Variants in WNT5B observed in about 807,000 individuals in gnomAD.
WNT5B encodes protein Wnt-5b.
Under a neutral mutation model 36.5 loss-of-function variants are expected in WNT5B, and 18 were observed. That is an observed-to-expected ratio of 0.49 (90% confidence interval 0.34 to 0.73). The LOEUF (loss-of-function observed/expected upper bound fraction) is 0.73, where lower values mean the gene tolerates loss of function less well. WNT5B is among the 30% of genes least tolerant of loss of function. The pLI is 0.01. For synonymous variants in WNT5B, 213 were observed against 212.3 expected, an observed-to-expected ratio of 1.00 and a Z score of -0.03; for missense variants, 424 against 508.4, an observed-to-expected ratio of 0.83 and a Z score of 1.60.
At chr12:1,623,197 T>TTTTG (rs1565603199) in intron 1 of WNT5B, among the ~76,000 whole-genome samples, 2 of 113,448 alleles carry the variant, frequency 1.8e-5, no homozygotes, top group Non-Finnish European at 3.6e-5. Context: ...GTTTTTTTTT[T>TTTTG]TTTTTTTTTT....
At chr12:1,626,879 T>C (rs1030292383), upstream of WNT5B, among the ~76,000 whole-genome samples, 1 of 152,224 alleles carries the variant, frequency 6.6e-6, no homozygotes, top group Non-Finnish European at 1.5e-5. Context: ...AATGTATTTT[T>C]AAATTACACA....
chr12:1,635,093 G>A (rs2154439638), intron 3 of WNT5B, among the ~76,000 whole-genome samples: 1 of 152,292 alleles, frequency 6.6e-6, no homozygotes, highest in South Asian at 2.1e-4. Context: ...GTACTTAGTA[G>A]GCTTACCCAA....
intron 4 of WNT5B, among the ~76,000 whole-genome samples, chr12:1,642,732 G>A (rs896209088): frequency 6.6e-6 from 1 of 152,108 alleles, no homozygotes; most frequent in Non-Finnish European, 1.5e-5. Flanking sequence ...TGTCTTGTCC[G>A]GGCTGTTATC....
chr12:1,639,291 C>A (rs1165715872), intron 3 of WNT5B, among the ~76,000 whole-genome samples: 1 of 151,530 alleles, frequency 6.6e-6, no homozygotes, highest in Non-Finnish European at 1.5e-5. Context: ...GCGCCCGCCA[C>A]CACGCCCGGC....
chr12:1,641,783 G>A (rs913988737), intron 4 of WNT5B, among the ~76,000 whole-genome samples: 4 of 152,056 alleles, frequency 2.6e-5, no homozygotes, highest in Admixed American at 6.5e-5. Context: ...GCAACAGAGC[G>A]AGACTCTGTC....
At chr12:1,623,287 C>T (rs529701408) in intron 1 of WNT5B, among the ~76,000 whole-genome samples, 4 of 141,300 alleles carry the variant, frequency 2.8e-5, no homozygotes, top group African/African-American at 1.1e-4. Context: ...GCTCCGTCTC[C>T]CAGGTTCACA....
chr12:1,626,669 A>G (rs868826950), upstream of WNT5B, among the ~76,000 whole-genome samples: 1 of 151,198 alleles, frequency 6.6e-6, no homozygotes, highest in Non-Finnish European at 1.5e-5. Context: ...GGTTCACGCC[A>G]TTCTCCTGCC....
chr12:1,622,203 C>T (rs1376731816), intron 1 of WNT5B, among the ~76,000 whole-genome samples: 1 of 151,188 alleles, frequency 6.6e-6, no homozygotes, highest in Non-Finnish European at 1.5e-5. Context: ...CTCCGCTTCC[C>T]GGGTTCACGC....
chr12:1,639,811 G>GC lies in WNT5B; in HGVS notation c.460dup (p.Arg154ProfsTer58). 1 of 1,613,584 alleles carries GC rather than the reference G, an allele frequency of 6.2e-7. No homozygotes were observed. Among genetic ancestry groups the GC allele is most frequent in the East Asian group, 2.2e-5 (1 of 44,860 alleles). On this transcript the variant is annotated frameshift_variant, in exon 4 of 5. Transcript: ENST00000397196. LOFTEE classifies it high-confidence loss of function. ...GCCGGACGGCGCGGCCCAAGGACCTGCCCCGGGACTGGCTGTGGGGCGGCT... is the reference window on the plus strand; with the variant it reads ...GCCGGACGGCGCGGCCCAAGGACCTGCCCCCGGGACTGGCTGTGGGGCGGCT...
upstream of WNT5B, among the ~76,000 whole-genome samples, chr12:1,627,396 G>T (rs2094542726): frequency 6.6e-6 from 1 of 152,162 alleles, no homozygotes; most frequent in Non-Finnish European, 1.5e-5. This position sits in a 1 kb window ranked among gnomAD's most constrained non-coding sequence, Gnocchi z 5.0. Flanking sequence ...GATATCAGTG[G>T]GTTTGTGTGA....
chr12:1,633,040 TG>T lies in WNT5B; in HGVS notation c.328+136del. On this transcript the variant is annotated intron_variant, in intron 3 of 4. Coordinates refer to ENST00000397196, the MANE Select transcript of WNT5B (RefSeq NM_032642.3). The surrounding 1 kb of genome is among the most constrained non-coding windows in gnomAD (Gnocchi z 4.8). ...GGGCTCTCTCTAGGCTTGGCAGCAG[TG>T]TGCACCACGAGAGAGGCACACGAGG... The T allele has an allele frequency of 3.0e-6, 4 of 1,317,286 alleles. No homozygotes were observed. The highest frequency in any genetic ancestry group is 4.1e-6 in the Non-Finnish European group (4 of 982,090). 81.6% of individuals were successfully genotyped at this position (1,317,286 alleles called of 1,614,324 possible).
intron 1 of WNT5B, among the ~76,000 whole-genome samples, chr12:1,621,375 C>T (rs970061699): frequency 5.3e-5 from 8 of 152,092 alleles, no homozygotes; most frequent in Non-Finnish European, 1.5e-5. Flanking sequence ...TAGGAAGATT[C>T]ACTCAACCCA....
upstream of WNT5B, among the ~76,000 whole-genome samples, chr12:1,627,971 C>G (rs2094543497): frequency 6.6e-6 from 1 of 152,116 alleles, no homozygotes; most frequent in African/African-American, 2.4e-5. The surrounding 1 kb of genome is among the most constrained non-coding windows in gnomAD (Gnocchi z 5.0). Flanking sequence ...ATATTAGGCA[C>G]CCAGGGTGTA....
intron 3 of WNT5B, among the ~76,000 whole-genome samples, chr12:1,639,223 C>T (rs1217954070): frequency 1.3e-5 from 2 of 150,620 alleles, no homozygotes; most frequent in African/African-American, 4.9e-5. Flanking sequence ...CTGCAAGCTC[C>T]GCCTCCCGGG....
intron 3 of WNT5B, among the ~76,000 whole-genome samples, chr12:1,636,191 C>T (rs2094560270): frequency 6.6e-6 from 1 of 151,966 alleles, no homozygotes; most frequent in Non-Finnish European, 1.5e-5. Context: ...TACATAACTC[C>T]CATACCATGA....
rs2094552615 is a variant in WNT5B at position 1,632,435 on chromosome 12, T to C, written c.81-223T>C. 6.6e-6 allele frequency among the ~76,000 whole-genome samples: 1 copy of C among 152,132 alleles called. No individual in the cohort carries two copies. The highest frequency in any genetic ancestry group is 2.1e-4 in the South Asian group (1 of 4,826). On this transcript the variant is annotated intron_variant, in intron 2 of 4. Coordinates refer to ENST00000397196, the MANE Select transcript of WNT5B (RefSeq NM_032642.3). This position sits in a 1 kb window ranked among gnomAD's most constrained non-coding sequence, Gnocchi z 5.8. ...AGCAGATCCAGAAGCATATCCAGAG[T>C]CTGTCTGGGGCATTTGGCATCTCGC...
In WNT5B at chr12:1,644,634, G is replaced by C. The variant is rs1218973010; in HGVS notation, c.622-1160G>C. Reference sequence around the variant, plus strand: ...TTGAAAAATGAGTCCTGACTCAGTTGGTGACAATAGCCATGCATAAGAAAA... The same window carrying C: ...TTGAAAAATGAGTCCTGACTCAGTTCGTGACAATAGCCATGCATAAGAAAA... On this transcript the variant is annotated intron_variant, in intron 4 of 4. Transcript: ENST00000397196. The surrounding 1 kb of genome is among the most constrained non-coding windows in gnomAD (Gnocchi z 5.1). 6.6e-6 allele frequency among the ~76,000 whole-genome samples: 1 copy of C among 152,176 alleles called. No homozygotes were observed. The highest frequency in any genetic ancestry group is 2.4e-5 in the African/African-American group (1 of 41,432).
At chr12:1,637,063 G>A (rs1170695933) in intron 3 of WNT5B, among the ~76,000 whole-genome samples, 1 of 152,072 alleles carries the variant, frequency 6.6e-6, no homozygotes, top group Admixed American at 6.5e-5. Flanking sequence ...ATGTTGCCAA[G>A]CTGTTCTGAA....
intron 1 of WNT5B, among the ~76,000 whole-genome samples, chr12:1,620,371 T>C (rs1291430306): frequency 9.9e-5 from 15 of 152,250 alleles, no homozygotes; most frequent in Non-Finnish European, 2.9e-5. Flanking sequence ...CTCAATATTA[T>C]GTTCAGAAGA....
Sources: gnomAD v4.1 joint callset for allele counts (sites outside exome capture counted in the v4.1 genomes callset) on GRCh38, gnomAD v4.1.1 for gene constraint, Gnocchi (gnomAD v3.1) non-coding constraint, MANE v1.5 for transcripts, NCBI Gene and HGNC (gene_info 2026-07-23, HGNC 2026-07-21) for gene names.